Variants in ZNF711 observed in about 807,000 individuals in gnomAD.
ZNF711 encodes the protein zinc finger protein 711.
ZNF711 carries 3 observed loss-of-function variants against 43.5 expected under a neutral mutation model. That is an observed-to-expected ratio of 0.07 (90% CI 0.03 to 0.18). The LOEUF is 0.18. Ranked by LOEUF, ZNF711 falls within the 10% of genes least tolerant of loss-of-function variation. ZNF711 has a pLI of 1.00. For synonymous variants in ZNF711, 209 were observed against 207.7 expected, an observed-to-expected ratio of 1.01 and a Z score of -0.06; for missense variants, 412 against 604.0, an observed-to-expected ratio of 0.68 and a Z score of 3.33.
At chrX:85,249,616 CT>C (rs2075000760) in intron 4 of ZNF711, among the ~76,000 whole-genome samples, 2 of 111,654 alleles carry the variant, frequency 1.8e-5, no homozygotes, top group South Asian at 7.4e-4. Context: ...ACATCTACTA[CT>C]TTTTTTCTTT....
intron 5 of ZNF711, among the ~76,000 whole-genome samples, chrX:85,257,899 A>G (rs1930312865): frequency 8.8e-6 from 1 of 113,100 alleles, no homozygotes; most frequent in South Asian, 3.5e-4. Flanking sequence ...GTTGGCATGG[A>G]TGCAGTGAAA....
intron 4 of ZNF711, among the ~76,000 whole-genome samples, chrX:85,253,764 G>GACAC (rs756155292): frequency 0.073 from 6,572 of 90,426 alleles, 184 homozygotes; most frequent in South Asian, 0.13. Context: ...TGTGTTCACA[G>GACAC]ACACACACAC....
chrX:85,244,425 C>T (rs1457461699), intron 1 of ZNF711, among the ~76,000 whole-genome samples: 6 of 111,690 alleles, frequency 5.4e-5, no homozygotes, highest in Non-Finnish European at 9.4e-5. Flanking sequence ...TAGCCAACCT[C>T]CTCTTTCCCT....
intron 5 of ZNF711, among the ~76,000 whole-genome samples, chrX:85,258,566 AAAT>A (rs752018307): frequency 1.5e-4 from 16 of 109,114 alleles, no homozygotes; most frequent in African/African-American, 4.3e-4. Context: ...TGAACAAGCA[AAAT>A]AATAATAATA....
rs1031090850 is a variant in ZNF711 at position 85,271,870 on chromosome X, ATGCT to A, written c.*43_*46del. On this transcript the variant is annotated 3_prime_UTR_variant, in exon 11 of 11. Transcript: ENST00000674551. The stretch of plus-strand genomic sequence containing the variant: ...AAAGAAGCTATTTAGGAGATATGAT[ATGCT>A]ACTTGGGAGAAAACTCTCACTAACT... 18 of 1,085,005 alleles carry A rather than the reference ATGCT, an allele frequency of 1.7e-5. No individual in the cohort carries two copies. Among genetic ancestry groups the A allele is most frequent in the Non-Finnish European group, 2.3e-5 (18 of 786,505 alleles). 89.4% of individuals were successfully genotyped at this position (1,085,005 alleles called of 1,213,427 possible). A position where few individuals can be genotyped will look rare whatever the true frequency, so the allele number is the denominator to read the frequency against.
chrX:85,256,281 C>T (rs1322595707), intron 5 of ZNF711, among the ~76,000 whole-genome samples: 2 of 111,307 alleles, frequency 1.8e-5, no homozygotes, highest in African/African-American at 6.5e-5. Flanking sequence ...ACAGTTCTCC[C>T]TGTGTTTATA....
At position 85,255,397 on chromosome X, in the gene ZNF711, G is replaced by A; in HGVS notation, c.218G>A (p.Gly73Glu). The A allele has an allele frequency of 8.3e-7, 1 of 1,211,656 alleles. No individual in the cohort carries two copies. Among genetic ancestry groups the A allele is most frequent in the Non-Finnish European group, 1.1e-6 (1 of 895,570 alleles). ...DHGLAAEVVH[G>E]PDIITETDVV... ...GGCCTTGCAGCTGAAGTTGTCCATG[G>A]ACCTGATATCATCACAGAGACTGAT... Residue 73 changes from glycine to glutamate, a missense_variant, in exon 5 of 11, where the codon GGA becomes GAA. Gly to Glu is a moderately conservative substitution (Grantham distance 98). Around this residue, in one of 4 missense-constraint regions of ZNF711, gnomAD observed 375 missense variants for 514.2 expected, o/e 0.73. Transcript: ENST00000674551.
chrX:85,247,240 CTA>C, intron 3 of ZNF711, 52 bp downstream of exon 3: 2 of 309,838 alleles, frequency 6.5e-6, no homozygotes, highest in South Asian at 1.5e-4. Flanking sequence ...CTTTTATAAC[CTA>C]TGTTTTAACT....
intron 9 of ZNF711, among the ~76,000 whole-genome samples, chrX:85,269,417 G>A (rs1329887250): frequency 1.1e-5 from 1 of 90,664 alleles, no homozygotes; most frequent in African/African-American, 4.4e-5. Context: ...TTCTTGCTCT[G>A]TTACCGAGAC....
At chrX:85,252,548 G>T (rs181655907) in intron 4 of ZNF711, among the ~76,000 whole-genome samples, 1 of 111,687 alleles carries the variant, frequency 9.0e-6, no homozygotes, top group East Asian at 2.8e-4. Flanking sequence ...TAGATATATA[G>T]AATTCCAGTA....
intron 4 of ZNF711, among the ~76,000 whole-genome samples, chrX:85,251,339 T>C (rs189134958): frequency 4.6e-4 from 52 of 112,159 alleles, no homozygotes; most frequent in Non-Finnish European, 7.7e-4. Flanking sequence ...TGCTGGTGTC[T>C]CAGTATAATA....
rs1350875775 is a variant in ZNF711, at chrX:85,245,885, A to G, written c.-405-18A>G. The G allele has an allele frequency of 8.9e-6, 1 of 112,051 alleles. No homozygotes were observed. Among genetic ancestry groups the G allele is most frequent in the Admixed American group, 9.4e-5 (1 of 10,585 alleles). The allele number at this position is 112,051 out of a possible 1,213,427, so 9.2% of individuals were successfully genotyped here. On this transcript the variant is annotated intron_variant, in intron 1 of 10. Transcript: ENST00000674551. Reference sequence around the variant, plus strand: ...AAATATTTTAAAGTATCTGATTTTGAATGTATTTTTATAATAGGTAAAGAG... The same window carrying G: ...AAATATTTTAAAGTATCTGATTTTGGATGTATTTTTATAATAGGTAAAGAG...
At chrX:85,259,262 GTGTT>G (rs1368414566) in intron 5 of ZNF711, among the ~76,000 whole-genome samples, 3 of 111,329 alleles carry the variant, frequency 2.7e-5, no homozygotes, top group Non-Finnish European at 3.8e-5. Flanking sequence ...TTTGGTCTAT[GTGTT>G]TGTTTTTGTA....
chrX:85,245,670 T>G (rs1354330592), intron 1 of ZNF711, among the ~76,000 whole-genome samples: 1 of 112,098 alleles, frequency 8.9e-6, no homozygotes, highest in Non-Finnish European at 1.9e-5. Context: ...TTAGAGAAGA[T>G]TTTGGTTTAA....
intron 7 of ZNF711, among the ~76,000 whole-genome samples, chrX:85,266,928 T>G (rs755243201): frequency 3.5e-4 from 38 of 108,167 alleles, no homozygotes; most frequent in Non-Finnish European, 7.1e-4. Context: ...TAGTATTATT[T>G]CTATGAGAAA....
At position 85,264,313 on chromosome X, in the gene ZNF711, A is replaced by G. The variant is rs148609081; in HGVS notation, c.661A>G (p.Thr221Ala). ...AGAAAAATTAGAGCATATGGGGAAT[A>G]CACCATTAAAAATTGGCAGTGATGG... is the stretch of plus-strand genomic sequence containing the variant. ...VGEKLEHMGN[T>A]PLKIGSDGSQ... The change falls in exon 6 of 11, where the codon ACA becomes GCA. Residue 221 changes from threonine (T) to alanine (A), a missense_variant. This residue lies in a region of ZNF711 where 375 missense variants were observed against 514.2 expected (regional missense o/e 0.73). Coordinates refer to ENST00000674551, the MANE Select transcript of ZNF711 (RefSeq NM_001330574.2). The G allele has an allele frequency of 6.1e-5, 73 of 1,202,878 alleles. No homozygotes were observed. The highest frequency in any genetic ancestry group is 7.4e-5 in the Non-Finnish European group (66 of 889,480).
At chrX:85,261,321 A>G (rs1302844963) in intron 5 of ZNF711, among the ~76,000 whole-genome samples, 1 of 111,602 alleles carries the variant, frequency 9.0e-6, no homozygotes, top group African/African-American at 3.2e-5. Flanking sequence ...CTTTTTGGCT[A>G]TTATGAATAA....
intron 4 of ZNF711, among the ~76,000 whole-genome samples, chrX:85,254,601 G>A (rs1602966055): frequency 2.8e-5 from 1 of 35,603 alleles, no homozygotes; most frequent in East Asian, 8.6e-4. Flanking sequence ...GCGACAGAGC[G>A]AGACTCCGTC....
intron 4 of ZNF711, among the ~76,000 whole-genome samples, chrX:85,253,728 C>T (rs1010020281): frequency 1.9e-4 from 21 of 107,728 alleles, no homozygotes; most frequent in Non-Finnish European, 1.9e-5. Context: ...CAGAGCTGTT[C>T]TATCACTATA....
Sources: gnomAD v4.1 joint callset for allele counts (sites outside exome capture counted in the v4.1 genomes callset) on GRCh38, gnomAD v4.1.1 for gene constraint, gnomAD v4.1.1 regional missense constraint, MANE v1.5 for transcripts, NCBI Gene and HGNC (gene_info 2026-07-23, HGNC 2026-07-21) for gene names.